Variants in KLHL3 observed in about 807,000 individuals in gnomAD.
The protein encoded by KLHL3 is kelch like family member 3, also known as kelch-like protein 3.
A neutral mutation model predicts 70.5 loss-of-function variants in KLHL3; 19 were observed. The observed-to-expected ratio is 0.27, with a 90% CI of 0.19 to 0.40. The LOEUF is 0.40. Among genes scored for constraint, KLHL3 ranks in the 10% least tolerant of loss-of-function variants. KLHL3 has a pLI of 1.00. For missense variants in KLHL3, 512 were observed against 771.1 expected, an observed-to-expected ratio of 0.66 and a Z score of 3.98; for synonymous variants, 258 against 290.3, an observed-to-expected ratio of 0.89 and a Z score of 1.13.
chr5:137,653,303 A>T (rs1021942426), intron 8 of KLHL3, among the ~76,000 whole-genome samples: 10 of 152,150 alleles, frequency 6.6e-5, no homozygotes, highest in African/African-American at 2.2e-4. Flanking sequence ...AGATACTGCT[A>T]AAAAAATGAA....
At chr5:137,698,119 G>A (rs1045813687) in intron 4 of KLHL3, among the ~76,000 whole-genome samples, 168 bp downstream of exon 4, 8 of 152,220 alleles carry the variant, frequency 5.3e-5, no homozygotes, top group African/African-American at 1.2e-4. Context: ...GGACCAGCTC[G>A]ACCACCTCCT....
In KLHL3 at chr5:137,658,387, T is replaced by C. The variant is rs907181918; in HGVS notation, c.754-107A>G. ...TGCACTCCCACACTCATTCATTCCT[T>C]CACCACATCATCTCAGACCCAAAGA... On this transcript the variant is annotated intron_variant, in intron 7 of 14. Transcript: ENST00000309755. 7 of 1,036,524 alleles carry C rather than the reference T, an allele frequency of 6.8e-6. No homozygotes were observed. The African/African-American group carries it at 1.1e-4, about 17-fold the overall frequency. The allele number at this position is 1,036,524 out of a possible 1,614,324, so 64.2% of individuals were successfully genotyped here.
chr5:137,640,886 TATG>T (rs1302567767), intron 8 of KLHL3, among the ~76,000 whole-genome samples: 1 of 151,510 alleles, frequency 6.6e-6, no homozygotes, highest in African/African-American at 2.4e-5. Context: ...GCACAGAAAA[TATG>T]ATAAGAATAT....
At chr5:137,667,164 T>A (rs930895133) in intron 6 of KLHL3, among the ~76,000 whole-genome samples, 1 of 152,222 alleles carries the variant, frequency 6.6e-6, no homozygotes, top group Non-Finnish European at 1.5e-5. Flanking sequence ...ACATATTGTC[T>A]ATGGCTGCTT....
intron 1 of KLHL3, among the ~76,000 whole-genome samples, chr5:137,724,211 G>C (rs897919422): frequency 6.6e-6 from 1 of 152,168 alleles, no homozygotes; most frequent in Non-Finnish European, 1.5e-5. Context: ...GAATGAGAAA[G>C]CATAATTTGG....
Position 137,634,083 on chromosome 5 carries a change from A to AT in KLHL3, c.1403dup (p.Asn468LysfsTer2), listed in dbSNP as rs1750709499. 6.2e-7 allele frequency: 1 copy of AT among 1,614,072 alleles called. No homozygotes were observed. The highest frequency in any genetic ancestry group is 8.5e-7 in the Non-Finnish European group (1 of 1,180,042). ...TCATGTCCGCCACGTATATCCATTC[A>AT]TTGGTCGCTGGGTTGTACTGCTCCA... is the stretch of plus-strand genomic sequence containing the variant. On this transcript the variant is annotated frameshift_variant, in exon 12 of 15. Transcript: ENST00000309755. LOFTEE classifies it high-confidence loss of function.
chr5:137,647,998 T>C (rs1470645193), intron 8 of KLHL3, among the ~76,000 whole-genome samples: 3 of 152,354 alleles, frequency 2.0e-5, no homozygotes, highest in East Asian at 3.9e-4. Flanking sequence ...TTAAATGATA[T>C]GAAGCACTTA....
At position 137,639,000 on chromosome 5, in the gene KLHL3, A is replaced by T; in HGVS notation, c.1172T>A (p.Val391Glu). The change falls in exon 10 of 15, where the codon GTG becomes GAG. Residue 391 changes from valine to glutamate, a missense_variant. Val to Glu is a moderately radical substitution (Grantham distance 121). Transcript: ENST00000309755. The stretch of plus-strand genomic sequence containing the variant: ...CACTGCGTAGAGCAAGTCATTGAGC[A>T]CCGCTGCGCCCAGTGTGCTCCGGCG... ...QERRSTLGAA[V>E]LNDLLYAVGG... 1 of 1,614,186 alleles carries T rather than the reference A, an allele frequency of 6.2e-7. No homozygotes were observed. The highest frequency in any genetic ancestry group is 8.5e-7 in the Non-Finnish European group (1 of 1,180,016).
In KLHL3 at chr5:137,658,169, G is replaced by C; in HGVS notation, c.865C>G (p.Pro289Ala). Residue 289 changes from proline to alanine, a missense_variant, in exon 8 of 15, where the codon CCA (proline) becomes GCA (alanine). By Grantham distance (27) the Pro-to-Ala change is conservative (BLOSUM62 -1). Transcript: ENST00000309755. ...ACTGGAGTCCTGGGCTTGGTCCTTGGGTTCTTAATCAATAGTCTCTGATCC... is the reference window on the plus strand; with the variant it reads ...ACTGGAGTCCTGGGCTTGGTCCTTGCGTTCTTAATCAATAGTCTCTGATCC... ...PLDQRLLIKN[P>A]RTKPRTPVSL... is the part of the protein sequence containing the mutation. 6.2e-7 allele frequency: 1 copy of C among 1,613,948 alleles called. No individual in the cohort carries two copies. Among genetic ancestry groups the C allele is most frequent in the Non-Finnish European group, 8.5e-7 (1 of 1,179,952 alleles).
chr5:137,636,750 C>A (rs773149593), intron 11 of KLHL3, among the ~76,000 whole-genome samples: 8 of 152,082 alleles, frequency 5.3e-5, no homozygotes, highest in Admixed American at 3.9e-4. Flanking sequence ...TCTGACCAGG[C>A]CCTAGACCTC....
At chr5:137,734,877 C>A (rs1753235971) in intron 1 of KLHL3, among the ~76,000 whole-genome samples, 2 of 152,226 alleles carry the variant, frequency 1.3e-5, no homozygotes, top group African/African-American at 4.8e-5. Flanking sequence ...CTTCAGATAA[C>A]AATTTAAAAA....
chr5:137,619,128 A>C lies in KLHL3; in HGVS notation c.*2970T>G, dbSNP rs1011771254. 3 of 152,678 alleles carry C rather than the reference A, an allele frequency of 2.0e-5. No individual in the cohort carries two copies. Among genetic ancestry groups the C allele is most frequent in the Non-Finnish European group, 4.4e-5 (3 of 68,048 alleles). The allele number at this position is 152,678 out of a possible 1,614,324, so 9.5% of individuals were successfully genotyped here. On this transcript the variant is annotated 3_prime_UTR_variant, in exon 15 of 15. Coordinates refer to ENST00000309755, the MANE Select transcript of KLHL3 (RefSeq NM_017415.3). ...CTAAAAGCTATAGCTTCAATTTTAT[A>C]AAAAGGCAATCTTTGAAAGGATCTG...
At chr5:137,637,729 A>AT (rs1039325748) in intron 10 of KLHL3, among the ~76,000 whole-genome samples, 1 of 152,214 alleles carries the variant, frequency 6.6e-6, no homozygotes, top group African/African-American at 2.4e-5. Flanking sequence ...CTGAACACCT[A>AT]TTCCAATCCC....
chr5:137,626,603 G>C lies in KLHL3; in HGVS notation c.1592-707C>G, dbSNP rs932559668. 3.3e-5 allele frequency among the ~76,000 whole-genome samples: 5 copies of C among 152,218 alleles called. No individual in the cohort carries two copies. In the East Asian group the frequency reaches 9.6e-4, roughly 29 times the overall value. ...TAAGGGATTGGTGATACTCTAAAAA[G>C]TAGTAATTATCAGTGTTGCTGAAGG... On this transcript the variant is annotated intron_variant, in intron 13 of 14. Transcript: ENST00000309755.
intron 8 of KLHL3, among the ~76,000 whole-genome samples, chr5:137,642,040 TA>T (rs1561587537): frequency 1.3e-5 from 2 of 152,218 alleles, no homozygotes; most frequent in African/African-American, 4.8e-5. Flanking sequence ...AGGGGGATGT[TA>T]ATGAACACAG....
chr5:137,709,917 C>T (rs775657468), intron 2 of KLHL3, 61 bp from the exon 3 acceptor site: 3 of 1,331,006 alleles, frequency 2.3e-6, no homozygotes, highest in Admixed American at 1.7e-5. Flanking sequence ...CCTCATCTTA[C>T]AAGGGTATTT....
intron 1 of KLHL3, 179 bp from the exon 2 acceptor site, chr5:137,720,763 T>C: frequency 5.6e-6 from 8 of 1,426,362 alleles, no homozygotes; most frequent in Non-Finnish European, 7.3e-6. Context: ...CAAAGCAAAG[T>C]GCATTCCTCT....
Position 137,725,817 on chromosome 5 carries a change from T to C in KLHL3, c.15-5233A>G, listed in dbSNP as rs1016251334. 3.3e-5 allele frequency among the ~76,000 whole-genome samples: 5 copies of C among 152,332 alleles called. 1 individual carries two copies. The South Asian group carries it at 8.3e-4, about 25-fold the overall frequency. Reference sequence around the variant, plus strand: ...ACTACTGGTGCCATGATGAACCCACTGCAGTGGATGGTTCAACAGCCCACA... The same window carrying C: ...ACTACTGGTGCCATGATGAACCCACCGCAGTGGATGGTTCAACAGCCCACA... On this transcript the variant is annotated intron_variant, in intron 1 of 14. Coordinates refer to ENST00000309755, the MANE Select transcript of KLHL3 (RefSeq NM_017415.3).
At chr5:137,665,635 TA>T (rs1193445267) in intron 6 of KLHL3, among the ~76,000 whole-genome samples, 2 of 152,110 alleles carry the variant, frequency 1.3e-5, no homozygotes, top group Non-Finnish European at 2.9e-5. Context: ...AAAGAAATTC[TA>T]AGGAAAAAAA....
Sources: gnomAD v4.1 joint callset for allele counts (sites outside exome capture counted in the v4.1 genomes callset) on GRCh38, gnomAD v4.1.1 for gene constraint, MANE v1.5 for transcripts, NCBI Gene and HGNC (gene_info 2026-07-23, HGNC 2026-07-21) for gene names.